Variants in SYNDIG1 observed in about 807,000 individuals in gnomAD.
SYNDIG1 encodes the protein synapse differentiation-inducing gene protein 1.
In SYNDIG1, 9 loss-of-function variants were observed where a neutral mutation model predicts 19.4. The observed-to-expected ratio is 0.46, with a 90% CI of 0.28 to 0.81. The LOEUF (loss-of-function observed/expected upper bound fraction) is 0.81, where lower values mean the gene tolerates loss of function less well. Ranked by LOEUF, SYNDIG1 falls within the 30% of genes least tolerant of loss-of-function variation. SYNDIG1 has a pLI of 0.12. For missense variants in SYNDIG1, 311 were observed against 343.3 expected (o/e 0.91, Z 0.74); for synonymous variants, 141 against 145.9 (o/e 0.97, Z 0.24).
intron 1 of SYNDIG1, among the ~76,000 whole-genome samples, chr20:24,503,784 A>G (rs1032673497): frequency 6.6e-6 from 1 of 151,994 alleles, no homozygotes; most frequent in Non-Finnish European, 1.5e-5. Flanking sequence ...TCTCATCTTT[A>G]GGTCAAGTGT....
intron 3 of SYNDIG1, among the ~76,000 whole-genome samples, chr20:24,622,676 C>T (rs553156766): frequency 6.6e-6 from 1 of 152,242 alleles, no homozygotes; most frequent in South Asian, 2.1e-4. Context: ...CTGCACTGAT[C>T]CGTGGAAAAA....
chr20:24,479,015 C>T (rs1163336623), intron 1 of SYNDIG1, among the ~76,000 whole-genome samples: 1 of 152,230 alleles, frequency 6.6e-6, no homozygotes, highest in Non-Finnish European at 1.5e-5. Flanking sequence ...TCCTTAGACA[C>T]TGCCCAGAAA....
At chr20:24,642,048 A>G (rs1416057413) in intron 3 of SYNDIG1, among the ~76,000 whole-genome samples, 2 of 152,248 alleles carry the variant, frequency 1.3e-5, no homozygotes, top group Non-Finnish European at 2.9e-5. Context: ...ACCATAGTCC[A>G]TAATAGATTC....
chr20:24,506,421 G>A (rs1030685605), intron 1 of SYNDIG1, among the ~76,000 whole-genome samples: 3 of 152,216 alleles, frequency 2.0e-5, no homozygotes, highest in African/African-American at 4.8e-5. Flanking sequence ...TCCCCCAAGC[G>A]CCAAAGAGAG....
At chr20:24,634,270 A>T (rs1568705773) in intron 3 of SYNDIG1, among the ~76,000 whole-genome samples, 1 of 152,246 alleles carries the variant, frequency 6.6e-6, no homozygotes, top group Non-Finnish European at 1.5e-5. Context: ...AAACACCAGC[A>T]TTGACATTTT....
At chr20:24,510,433 G>A (rs185049507) in intron 1 of SYNDIG1, among the ~76,000 whole-genome samples, 113 of 151,730 alleles carry the variant, frequency 7.4e-4, no homozygotes, top group African/African-American at 2.4e-3. Context: ...GTTAGGCATG[G>A]TGGTGGGCGC....
intron 1 of SYNDIG1, among the ~76,000 whole-genome samples, chr20:24,490,718 G>A (rs1416399176): frequency 1.3e-5 from 2 of 152,192 alleles, no homozygotes; most frequent in Non-Finnish European, 2.9e-5. Context: ...CTTATGTGGG[G>A]CCTCAGCCAA....
intron 2 of SYNDIG1, among the ~76,000 whole-genome samples, chr20:24,559,958 G>A (rs1038199590): frequency 5.5e-5 from 8 of 145,576 alleles, no homozygotes; most frequent in African/African-American, 1.8e-4. Flanking sequence ...CCTATTTGAG[G>A]TTCACTAAGC....
chr20:24,552,079 A>C (rs1179809971), intron 2 of SYNDIG1, among the ~76,000 whole-genome samples: 4 of 152,154 alleles, frequency 2.6e-5, no homozygotes, highest in African/African-American at 9.7e-5. Flanking sequence ...ATTTACTTTT[A>C]GGGAATTGTC....
chr20:24,536,110 G>A (rs747945478), intron 1 of SYNDIG1, among the ~76,000 whole-genome samples: 22 of 152,156 alleles, frequency 1.4e-4, no homozygotes, highest in Non-Finnish European at 2.2e-4. Flanking sequence ...GGCTGTGATG[G>A]GAGAGCCTGC....
intron 3 of SYNDIG1, among the ~76,000 whole-genome samples, chr20:24,594,328 G>A (rs186236287): frequency 5.9e-5 from 9 of 152,048 alleles, no homozygotes; most frequent in Non-Finnish European, 7.4e-5. Context: ...CGACTTTGTC[G>A]AAGATCAGGT....
Position 24,665,424 on chromosome 20 carries a change from T to C in SYNDIG1, c.697T>C (p.Ser233Pro). 6.2e-7 allele frequency: 1 copy of C among 1,613,466 alleles called. No homozygotes were observed. Among genetic ancestry groups the C allele is most frequent in the East Asian group, 2.2e-5 (1 of 44,822 alleles). The change falls in exon 4 of 4, where the codon TCC (serine) becomes CCC (proline). Residue 233 changes from serine to proline, a missense_variant. Coordinates refer to ENST00000376862, the MANE Select transcript of SYNDIG1 (RefSeq NM_024893.3). ...SRRALFLAVL[S>P]ITIGTGVYVG... ...GCGGGCCCTATTCCTGGCAGTGCTGTCCATCACCATTGGGACTGGCGTCTA... is the reference window on the plus strand; with the variant it reads ...GCGGGCCCTATTCCTGGCAGTGCTGCCCATCACCATTGGGACTGGCGTCTA...
chr20:24,470,138 G>T (rs1600351824), intron 1 of SYNDIG1, among the ~76,000 whole-genome samples: 1 of 152,334 alleles, frequency 6.6e-6, no homozygotes, highest in East Asian at 1.9e-4. Context: ...AGCGGAGCCA[G>T]GCTGCCCAGC....
chr20:24,492,407 T>G (rs1411941102), intron 1 of SYNDIG1, among the ~76,000 whole-genome samples: 1 of 152,206 alleles, frequency 6.6e-6, no homozygotes, highest in Admixed American at 6.5e-5. Flanking sequence ...ACAGGGGACA[T>G]GTGCATTGTC....
chr20:24,542,245 AT>A (rs1307578731), intron 1 of SYNDIG1, among the ~76,000 whole-genome samples: 1 of 152,228 alleles, frequency 6.6e-6, no homozygotes, highest in African/African-American at 2.4e-5. Flanking sequence ...ACATTTTAAA[AT>A]TTAGTAAATA....
chr20:24,485,926 C>A (rs1057134931), intron 1 of SYNDIG1, among the ~76,000 whole-genome samples: 1 of 152,196 alleles, frequency 6.6e-6, no homozygotes, highest in Non-Finnish European at 1.5e-5. Context: ...GAGACCCCCC[C>A]AGGAGATGTC....
At chr20:24,552,534 A>G (rs1039914364) in intron 2 of SYNDIG1, among the ~76,000 whole-genome samples, 2 of 147,834 alleles carry the variant, frequency 1.4e-5, no homozygotes, top group African/African-American at 5.0e-5. Flanking sequence ...TTCAATTCCC[A>G]CCTATGAGTG....
intron 1 of SYNDIG1, among the ~76,000 whole-genome samples, chr20:24,512,337 G>A (rs1035137024): frequency 4.0e-5 from 6 of 151,056 alleles, no homozygotes; most frequent in Non-Finnish European, 5.9e-5. Flanking sequence ...AAAGCAGGGC[G>A]AGGCATTGCC....
intron 2 of SYNDIG1, among the ~76,000 whole-genome samples, chr20:24,566,163 A>C (rs1353682123): frequency 6.6e-6 from 1 of 152,158 alleles, no homozygotes; most frequent in Non-Finnish European, 1.5e-5. Context: ...TCTGCCATGC[A>C]GGTGATGGCT....
Sources: gnomAD v4.1 joint callset for allele counts (sites outside exome capture counted in the v4.1 genomes callset) on GRCh38, gnomAD v4.1.1 for gene constraint, MANE v1.5 for transcripts, NCBI Gene and HGNC (gene_info 2026-07-23, HGNC 2026-07-21) for gene names.